MROH2A: variants seen among roughly 807,000 people sequenced by gnomAD.
MROH2A encodes the protein maestro heat-like repeat-containing protein family member 2A.
MROH2A carries 174 observed loss-of-function variants against 200.4 expected under a neutral mutation model. That is an observed-to-expected ratio of 0.87 (90% CI 0.77 to 0.98). The LOEUF (loss-of-function observed/expected upper bound fraction) is 0.98. MROH2A is among the 50% of genes least tolerant of loss of function. The pLI is 0.00. For missense variants in MROH2A, 2,045 were observed against 2,139.6 expected, an observed-to-expected ratio of 0.96 and a Z score of 0.87; for synonymous variants, 829 against 840.4, an observed-to-expected ratio of 0.99 and a Z score of 0.23.
chr2:233,797,005 G>A (rs985202190), intron 11 of MROH2A, among the ~76,000 whole-genome samples: 1 of 152,164 alleles, frequency 6.6e-6, no homozygotes, highest in Non-Finnish European at 1.5e-5. Flanking sequence ...AGTTCACCTG[G>A]TCATTTTTCT....
At position 233,833,342 on chromosome 2, in the gene MROH2A, G is replaced by A; in HGVS notation, c.*83G>A. 1 of 1,379,004 alleles carries A rather than the reference G, an allele frequency of 7.3e-7. No individual in the cohort carries two copies. The allele number at this position is 1,379,004 out of a possible 1,614,324, so 85.4% of individuals were successfully genotyped here. A position where few individuals can be genotyped will look rare whatever the true frequency, so the allele number is the denominator to read the frequency against. On this transcript the variant is annotated 3_prime_UTR_variant, in exon 42 of 42. Coordinates refer to ENST00000389758, the MANE Select transcript of MROH2A (RefSeq NM_001394639.1). ...ATTTAGTTTGTAAGAAGTTTAGTTT[G>A]TAGGAAAAACACTATTGTAAAATAA... is the stretch of plus-strand genomic sequence containing the variant.
chr2:233,829,628 G>A lies in MROH2A; in HGVS notation c.4455G>A (p.Glu1485=), dbSNP rs1704576148. The A allele has an allele frequency of 1.4e-6, 2 of 1,426,280 alleles. No individual in the cohort carries two copies. The highest frequency in any genetic ancestry group is 3.0e-5 in the African/African-American group (2 of 67,694). 88.4% of individuals were successfully genotyped at this position (1,426,280 alleles called of 1,614,324 possible). ...QCRIFFDNES[E]LLRLKAFILF... is the part of the protein sequence containing the mutation. Reference sequence around the variant, plus strand: ...GTCCATCCTGGCCACAGGAGAGCGAGCTGCTGCGTCTGAAAGCCTTCATCC... The same window carrying A: ...GTCCATCCTGGCCACAGGAGAGCGAACTGCTGCGTCTGAAAGCCTTCATCC... The change falls in exon 38 of 42, where the codon GAG becomes GAA. Residue 1485 remains glutamate (E), a synonymous_variant. Coordinates refer to ENST00000389758, the MANE Select transcript of MROH2A (RefSeq NM_001394639.1).
rs777273981 is a variant in MROH2A, at chr2:233,832,586, T to G, written c.4845T>G (p.Ile1615Met). ...RIAACNLAGIIMKQMSTHYLK... is the reference protein window; with the variant it reads ...RIAACNLAGIMMKQMSTHYLK... ...CTTTGGCTATTGTTTTAGGAATTATTATGAAGCAGATGTCTACACATTATC... is the reference window on the plus strand; with the variant it reads ...CTTTGGCTATTGTTTTAGGAATTATGATGAAGCAGATGTCTACACATTATC... Residue 1615 changes from isoleucine (I) to methionine (M), a missense_variant, in exon 41 of 42, where the codon ATT (isoleucine) becomes ATG (methionine). Ile to Met is a conservative substitution (Grantham distance 10). Coordinates refer to ENST00000389758, the MANE Select transcript of MROH2A (RefSeq NM_001394639.1). 6.5e-7 allele frequency: 1 copy of G among 1,548,722 alleles called. No individual in the cohort carries two copies. Among genetic ancestry groups the G allele is most frequent in the Non-Finnish European group, 8.7e-7 (1 of 1,145,274 alleles).
rs1464160466 is a variant in MROH2A, at chr2:233,789,932, C to T, written c.489C>T (p.Tyr163=). 1.7e-5 allele frequency: 27 copies of T among 1,550,374 alleles called. No individual in the cohort carries two copies. Among genetic ancestry groups the T allele is most frequent in the Admixed American group, 5.9e-5 (3 of 50,986 alleles). The change falls in exon 5 of 42, where the codon TAC becomes TAT. Residue 163 remains tyrosine, a synonymous_variant. Transcript: ENST00000389758. ...GAAACCACTTCAGCTTGGTCATGTA[C>T]GAGCTGCAGCACCACCTCAAGCCCC... ...LSRNHFSLVM[Y]ELQHHLKPLN... is the part of the protein sequence containing the mutation.
In MROH2A at chr2:233,807,558, G is replaced by A; in HGVS notation, c.2172+16G>A. Reference sequence around the variant, plus strand: ...TGACAGCGAGGTGAGGGTGCCTGCAGCCTCCTCCTGTCCACCAGATGCCTC... The same window carrying A: ...TGACAGCGAGGTGAGGGTGCCTGCAACCTCCTCCTGTCCACCAGATGCCTC... On this transcript the variant is annotated intron_variant, in intron 20 of 41. Transcript: ENST00000389758. This position sits in a 1 kb window ranked among gnomAD's most constrained non-coding sequence, Gnocchi z 4.3. 6.5e-7 allele frequency: 1 copy of A among 1,550,024 alleles called. No individual in the cohort carries two copies. The highest frequency in any genetic ancestry group is 8.7e-7 in the Non-Finnish European group (1 of 1,146,784).
At position 233,817,320 on chromosome 2, in the gene MROH2A, A is replaced by G. The variant is rs940308229; in HGVS notation, c.2961+435A>G. ...ACAGCCTGATGAGACTTAATTGTCT[A>G]CACTTTTTGGCTCCATGCTGTTTGA... On this transcript the variant is annotated intron_variant, in intron 27 of 41. Coordinates refer to ENST00000389758, the MANE Select transcript of MROH2A (RefSeq NM_001394639.1). Among the ~76,000 whole-genome samples the G allele has an allele frequency of 2.6e-5, 4 of 152,206 alleles. No homozygotes were observed. In the East Asian group the frequency reaches 5.8e-4, roughly 22 times the overall value.
chr2:233,826,800 A>G (rs1452332736), intron 35 of MROH2A, among the ~76,000 whole-genome samples: 4 of 152,228 alleles, frequency 2.6e-5, no homozygotes, highest in African/African-American at 4.8e-5. Context: ...ACAGAGTTGA[A>G]GAAAATCTTT....
In MROH2A at chr2:233,789,906, C is replaced by A. The variant is rs574554926; in HGVS notation, c.463C>A (p.Arg155=). 3.9e-6 allele frequency: 6 copies of A among 1,550,288 alleles called. No homozygotes were observed. In the African/African-American group the frequency reaches 5.5e-5, roughly 14 times the overall value. ...CAGCGACACACTGGTGGCTCTGTCC[C>A]GAAACCACTTCAGCTTGGTCATGTA... ...VASDTLVALS[R]NHFSLVMYEL... is the part of the protein sequence containing the mutation. Residue 155 remains arginine, a synonymous_variant, in exon 5 of 42, where the codon CGA becomes AGA. Transcript: ENST00000389758.
rs1168913479 is a variant in MROH2A, at chr2:233,778,408, G to A, written c.-88G>A. ...TTCTTCCATTTGCATTTCCATTGAT[G>A]TGTATTGGGCCAAGAGCAGAGCTTT... On this transcript the variant is annotated 5_prime_UTR_variant, in exon 1 of 42. The change creates a new upstream start codon in the 5' untranslated region. Transcript: ENST00000389758. 5.9e-6 allele frequency: 1 copy of A among 169,288 alleles called. No homozygotes were observed. Among genetic ancestry groups the A allele is most frequent in the African/African-American group, 2.4e-5 (1 of 41,528 alleles). The allele number at this position is 169,288 out of a possible 1,614,324, so 10.5% of individuals were successfully genotyped here.
intron 31 of MROH2A, among the ~76,000 whole-genome samples, chr2:233,821,113 A>C (rs114833880): frequency 0.024 from 3,688 of 152,278 alleles, 155 homozygotes; most frequent in African/African-American, 0.083. Flanking sequence ...TTCTAACAAC[A>C]TCCATGGATT....
intron 31 of MROH2A, 24 bp from the exon 32 acceptor site, chr2:233,822,100 T>C: frequency 1.9e-6 from 3 of 1,542,274 alleles, no homozygotes; most frequent in Non-Finnish European, 2.6e-6. Flanking sequence ...AAACTCACAG[T>C]CCTTGTGCCC....
rs1236351002 is a variant in MROH2A at position 233,820,604 on chromosome 2, G to A, written c.3512+548G>A. Reference sequence around the variant, plus strand: ...AGAGCTCCTGTGTGTGCTACAGCATGATGGCACAGGCAGCTGGGCATGGTC... The same window carrying A: ...AGAGCTCCTGTGTGTGCTACAGCATAATGGCACAGGCAGCTGGGCATGGTC... On this transcript the variant is annotated intron_variant, in intron 31 of 41. Transcript: ENST00000389758. This position sits in a 1 kb window ranked among gnomAD's most constrained non-coding sequence, Gnocchi z 4.1. Among the ~76,000 whole-genome samples, 4 of 152,058 alleles carry A rather than the reference G, an allele frequency of 2.6e-5. No individual in the cohort carries two copies. The highest frequency in any genetic ancestry group is 9.7e-5 in the African/African-American group (4 of 41,418).
intron 6 of MROH2A, 123 bp downstream of exon 6, chr2:233,793,017 G>A (rs982107379): frequency 3.0e-6 from 3 of 991,204 alleles, no homozygotes; most frequent in African/African-American, 1.6e-5. Context: ...TTCTCCAAAG[G>A]AGTTTGCTTA....
Position 233,818,003 on chromosome 2 carries a change from T to C in MROH2A, c.2963T>C (p.Ile988Thr). The change falls in exon 28 of 42, where the codon ATC becomes ACC. Residue 988 changes from isoleucine (I) to threonine (T), a missense_variant and splice_region_variant. Physicochemically the swap from Ile to Thr is moderately conservative, Grantham distance 89. Around this residue, in one of 3 missense-constraint regions of MROH2A, gnomAD observed 1,201 missense variants for 1,311.3 expected, o/e 0.92. Transcript: ENST00000389758. ...GCCCCACGGTCTCCTGTCCCTCAGA[T>C]CCACCTAAAGCTGGGGCAGTTTGGC... ...WIYVHSTAVCIHLKLGQFGTM... is the reference protein window; with the variant it reads ...WIYVHSTAVCTHLKLGQFGTM... 1 of 1,550,862 alleles carries C rather than the reference T, an allele frequency of 6.4e-7. No individual in the cohort carries two copies.
rs143419172 is a variant in MROH2A, at chr2:233,822,976, AGGACGGCG to A, written c.3967_3974del (p.Gly1323IlefsTer134). ...GAGCAGGCAGTGTGGGACCTCCTGC[AGGACGGCG>A]GGACATTCCTGGAGGGTGTGAGCCT... On this transcript the variant is annotated frameshift_variant, in exon 34 of 42. Coordinates refer to ENST00000389758, the MANE Select transcript of MROH2A (RefSeq NM_001394639.1). LOFTEE classifies it high-confidence loss of function. 914 of 1,550,588 alleles carry A rather than the reference AGGACGGCG, an allele frequency of 5.9e-4. 8 individuals carry two copies. In the African/African-American group the frequency reaches 0.011, roughly 19 times the overall value.
At chr2:233,809,433 T>C (rs1210640223) in intron 22 of MROH2A, among the ~76,000 whole-genome samples, 155 bp downstream of exon 22, 1 of 152,070 alleles carries the variant, frequency 6.6e-6, no homozygotes, top group Admixed American at 6.6e-5. Flanking sequence ...CCAAATGTGC[T>C]GTTCTCTGTG....
chr2:233,819,343 T>C lies in MROH2A; in HGVS notation c.3231T>C (p.Asp1077=), dbSNP rs1437857047. The C allele has an allele frequency of 1.3e-6, 2 of 1,550,566 alleles. No individual in the cohort carries two copies. Among genetic ancestry groups the C allele is most frequent in the South Asian group, 2.4e-5 (2 of 84,066 alleles). The change falls in exon 30 of 42, where the codon GAT becomes GAC. Residue 1077 remains aspartate (D), a synonymous_variant. Coordinates refer to ENST00000389758, the MANE Select transcript of MROH2A (RefSeq NM_001394639.1). ...AKVVCMEFSC[D]EVVSLIQKLC... is the part of the protein sequence containing the mutation. ...TGGTCTGCATGGAGTTTAGCTGCGA[T>C]GAGGTGGTCTCGCTCATCCAGAAGC...
intron 3 of MROH2A, among the ~76,000 whole-genome samples, chr2:233,782,561 T>C (rs1328015864): frequency 6.6e-6 from 1 of 152,274 alleles, no homozygotes; most frequent in African/African-American, 2.4e-5. Flanking sequence ...TGTATGTTAA[T>C]TTTGTAATCT....
chr2:233,797,234 G>A (rs1415506297), intron 11 of MROH2A, among the ~76,000 whole-genome samples: 1 of 152,216 alleles, frequency 6.6e-6, no homozygotes, highest in East Asian at 1.9e-4. Flanking sequence ...TGACAGAGAT[G>A]TAAATCAATA....
Sources: gnomAD v4.1 joint callset for allele counts (sites outside exome capture counted in the v4.1 genomes callset) on GRCh38, gnomAD v4.1.1 for gene constraint, gnomAD v4.1.1 regional missense constraint, Gnocchi (gnomAD v3.1) non-coding constraint, MANE v1.5 for transcripts, NCBI Gene and HGNC (gene_info 2026-07-23, HGNC 2026-07-21) for gene names.